GIMD1: variants seen among roughly 807,000 people sequenced by gnomAD.
GIMD1 encodes the protein GTPase IMAP family member GIMD1.
A neutral mutation model predicts 14.9 loss-of-function variants in GIMD1; 14 were observed. The observed-to-expected ratio is 0.94, with a 90% confidence interval of 0.62 to 1.47. The LOEUF (loss-of-function observed/expected upper bound fraction) is 1.47, where lower values mean the gene tolerates loss of function less well. GIMD1 is among the 40% of genes most tolerant of loss of function. GIMD1 has a pLI of 0.00. For missense variants in GIMD1, 272 were observed against 255.3 expected, an observed-to-expected ratio of 1.07 and a Z score of -0.44; for synonymous variants, 91 against 90.5, an observed-to-expected ratio of 1.01 and a Z score of -0.03.
In GIMD1 at chr4:106,367,422, T is replaced by C. The variant is rs1770721532; in HGVS notation, c.14A>G (p.Asn5Ser). The C allele has an allele frequency of 3.3e-6, 5 of 1,533,048 alleles. No individual in the cohort carries two copies. The highest frequency in any genetic ancestry group is 4.4e-6 in the Non-Finnish European group (5 of 1,145,004). 95.0% of individuals were successfully genotyped at this position (1,533,048 alleles called of 1,614,324 possible). A position where few individuals can be genotyped will look rare whatever the true frequency, so the allele number is the denominator to read the frequency against. The change falls in exon 2 of 3, where the codon AAC becomes AGC. Residue 5 changes from asparagine to serine, a missense_variant. Transcript: ENST00000638719. MTDP[N>S]KMIINLALFG... Reference sequence around the variant, plus strand: ...GAGGGCCAAGTTGATGATCATCTTGTTGGGGTCTGTCATGGCTGTAGGAAA... The same window carrying C: ...GAGGGCCAAGTTGATGATCATCTTGCTGGGGTCTGTCATGGCTGTAGGAAA...
chr4:106,366,760 C>T (rs909460053), intron 2 of GIMD1, among the ~76,000 whole-genome samples: 1 of 151,896 alleles, frequency 6.6e-6, no homozygotes, highest in African/African-American at 2.4e-5. Context: ...GCTTGGTTAA[C>T]CTCTGAAGTT....
Position 106,357,738 on chromosome 4 carries a change from A to T in GIMD1, c.*445T>A, listed in dbSNP as rs1661975873. 1 of 153,680 alleles carries T rather than the reference A, an allele frequency of 6.5e-6. No individual in the cohort carries two copies. The highest frequency in any genetic ancestry group is 1.4e-5 in the Non-Finnish European group (1 of 69,042). 9.5% of individuals were successfully genotyped at this position (153,680 alleles called of 1,614,324 possible). ...TATGTCTGGCTTATTTTTCAACATTATGTTTGGGCAATTCACTGGTATCGT... is the reference window on the plus strand; with the variant it reads ...TATGTCTGGCTTATTTTTCAACATTTTGTTTGGGCAATTCACTGGTATCGT... On this transcript the variant is annotated 3_prime_UTR_variant, in exon 3 of 3. Transcript: ENST00000638719.
chr4:106,363,967 T>G (rs1429441659), intron 2 of GIMD1, among the ~76,000 whole-genome samples: 6 of 151,648 alleles, frequency 4.0e-5, no homozygotes, highest in Non-Finnish European at 1.5e-5. Flanking sequence ...GCTCTTTCCT[T>G]GAGGTGACTA....
intron 2 of GIMD1, among the ~76,000 whole-genome samples, chr4:106,359,669 A>G (rs369713370): frequency 1.3e-5 from 2 of 151,672 alleles, no homozygotes; most frequent in African/African-American, 2.4e-5. Flanking sequence ...AAAATACAGG[A>G]TTAGAATTTA....
At chr4:106,359,656 T>TA (rs1331542467) in intron 2 of GIMD1, among the ~76,000 whole-genome samples, 1 of 150,794 alleles carries the variant, frequency 6.6e-6, no homozygotes, top group Non-Finnish European at 1.5e-5. Context: ...TCAATGTACC[T>TA]AAAAAATACA....
At chr4:106,364,669 T>C (rs557188633) in intron 2 of GIMD1, among the ~76,000 whole-genome samples, 3 of 152,324 alleles carry the variant, frequency 2.0e-5, no homozygotes, top group Non-Finnish European at 1.5e-5. Context: ...CCTTGGCTGC[T>C]GATTTTCTTG....
At chr4:106,360,669 G>A (rs1183681358) in intron 2 of GIMD1, among the ~76,000 whole-genome samples, 2 of 151,988 alleles carry the variant, frequency 1.3e-5, no homozygotes, top group African/African-American at 2.4e-5. Context: ...TTTAAGCTAA[G>A]GTCATTAGGG....
intron 2 of GIMD1, among the ~76,000 whole-genome samples, chr4:106,365,035 G>A (rs1482216258): frequency 2.0e-5 from 3 of 152,082 alleles, no homozygotes; most frequent in Non-Finnish European, 2.9e-5. Context: ...TTGTTTATGT[G>A]TTTACTGCAT....
chr4:106,360,908 T>C (rs1770603015), intron 2 of GIMD1, among the ~76,000 whole-genome samples: 1 of 152,068 alleles, frequency 6.6e-6, no homozygotes, highest in Non-Finnish European at 1.5e-5. Context: ...ACCTGCTGTT[T>C]ATGCCACCCA....
rs974854491 is a variant in GIMD1, at chr4:106,368,757, T to C, written c.-50A>G. 1.0e-5 allele frequency: 4 copies of C among 398,404 alleles called. No individual in the cohort carries two copies. The Admixed American group carries it at 1.8e-4, about 18-fold the overall frequency. The allele number at this position is 398,404 out of a possible 1,614,324, so 24.7% of individuals were successfully genotyped here. Reference sequence around the variant, plus strand: ...TTCTCCACAAAGACGTCTCTCGCCCTGGCACAGTTGTTCTTTCATATGAAC... The same window carrying C: ...TTCTCCACAAAGACGTCTCTCGCCCCGGCACAGTTGTTCTTTCATATGAAC... On this transcript the variant is annotated 5_prime_UTR_variant, in exon 1 of 3. Coordinates refer to ENST00000638719, the MANE Select transcript of GIMD1 (RefSeq NM_001195138.2).
At position 106,367,249 on chromosome 4, in the gene GIMD1, C is replaced by T; in HGVS notation, c.187G>A (p.Gly63Arg). 6.5e-7 allele frequency: 1 copy of T among 1,535,918 alleles called. No homozygotes were observed. Among genetic ancestry groups the T allele is most frequent in the Non-Finnish European group, 8.7e-7 (1 of 1,146,820 alleles). ...CHLHSFMRRGGLEVALQVQVL... is the reference protein window; with the variant it reads ...CHLHSFMRRGRLEVALQVQVL... ...TGGACCTGCAGGGCTACCTCTAGCC[C>T]ACCTCGACGCATGAAGCTGTGGAGG... Residue 63 changes from glycine (G) to arginine (R), a missense_variant, in exon 2 of 3, where the codon GGG (glycine) becomes AGG (arginine). Coordinates refer to ENST00000638719, the MANE Select transcript of GIMD1 (RefSeq NM_001195138.2).
intron 2 of GIMD1, 82 bp downstream of exon 2, chr4:106,366,959 ATT>A (rs1491565116): frequency 5.3e-4 from 136 of 254,730 alleles, no homozygotes; most frequent in East Asian, 1.6e-3. Context: ...TAATAATAAT[ATT>A]ATTATTATTA....
intron 2 of GIMD1, among the ~76,000 whole-genome samples, chr4:106,359,815 A>T (rs1450014977): frequency 6.6e-6 from 1 of 151,930 alleles, no homozygotes; most frequent in Non-Finnish European, 1.5e-5. Context: ...TAAATCTAAC[A>T]TGAAAATACT....
chr4:106,358,793 A>T (rs1770572850), intron 2 of GIMD1, among the ~76,000 whole-genome samples: 1 of 151,982 alleles, frequency 6.6e-6, no homozygotes, highest in Admixed American at 6.6e-5. Context: ...AGTCCATTAA[A>T]GCCACTGAAT....
chr4:106,359,539 T>C (rs1161645812), intron 2 of GIMD1, among the ~76,000 whole-genome samples: 4 of 151,892 alleles, frequency 2.6e-5, no homozygotes, highest in Non-Finnish European at 5.9e-5. Flanking sequence ...ATCTCCATTA[T>C]GATATTGGCA....
At chr4:106,363,891 G>C (rs112168626) in intron 2 of GIMD1, among the ~76,000 whole-genome samples, 4 of 138,744 alleles carry the variant, frequency 2.9e-5, no homozygotes, top group Admixed American at 7.4e-5. Context: ...AATGGGGGGG[G>C]GGGGGCGGAA....
In GIMD1 at chr4:106,368,723, G is replaced by T; in HGVS notation, c.-16C>A. 2 of 398,434 alleles carry T rather than the reference G, an allele frequency of 5.0e-6. No individual in the cohort carries two copies. Among genetic ancestry groups the T allele is most frequent in the Non-Finnish European group, 8.9e-6 (2 of 225,940 alleles). 24.7% of individuals were successfully genotyped at this position (398,434 alleles called of 1,614,324 possible). The stretch of plus-strand genomic sequence containing the variant: ...TATTTCGCTTACCTTTTCCAGTCTT[G>T]AAAATGCTTTCTCCACAAAGACGTC... On this transcript the variant is annotated 5_prime_UTR_variant, in exon 1 of 3. Transcript: ENST00000638719.
At chr4:106,365,014 T>TG (rs57572481) in intron 2 of GIMD1, among the ~76,000 whole-genome samples, 35,568 of 151,896 alleles carry the variant, frequency 0.23, 4,383 homozygotes, top group Middle Eastern at 0.38. Context: ...AGGGTAGCTT[T>TG]TGAAAAAGAG....
intron 2 of GIMD1, among the ~76,000 whole-genome samples, chr4:106,360,106 AGGTTTT>A (rs1338162959): frequency 6.6e-6 from 1 of 151,878 alleles, no homozygotes; most frequent in Non-Finnish European, 1.5e-5. Flanking sequence ...ATTTCTTTTG[AGGTTTT>A]GGTTTTGAAG....
Sources: gnomAD v4.1 joint callset for allele counts (sites outside exome capture counted in the v4.1 genomes callset) on GRCh38, gnomAD v4.1.1 for gene constraint, MANE v1.5 for transcripts, NCBI Gene and HGNC (gene_info 2026-07-23, HGNC 2026-07-21) for gene names.